VDAC1: variants seen among roughly 807,000 people sequenced by gnomAD.
The protein encoded by VDAC1 is voltage dependent anion channel 1.
Under a neutral mutation model 34.7 loss-of-function variants are expected in VDAC1, and 10 were observed. The observed-to-expected ratio is 0.29, with a 90% CI of 0.18 to 0.49. The LOEUF is 0.49. Among genes scored for constraint, VDAC1 ranks in the 20% least tolerant of loss-of-function variants. The pLI is 0.99. For synonymous variants in VDAC1, 130 were observed against 136.0 expected, an observed-to-expected ratio of 0.96 and a Z score of 0.30; for missense variants, 230 against 347.9, an observed-to-expected ratio of 0.66 and a Z score of 2.69.
the VDAC1 span, among the ~76,000 whole-genome samples, chr5:134,032,365 G>T: frequency 6.6e-6 from 1 of 152,012 alleles, no homozygotes; most frequent in Non-Finnish European, 1.5e-5. Context: ...TAAATGTATG[G>T]TAATTTGTTA....
chr5:134,048,947 T>C, the VDAC1 span, among the ~76,000 whole-genome samples: 1 of 152,244 alleles, frequency 6.6e-6, no homozygotes, highest in African/African-American at 2.4e-5. Flanking sequence ...ATAATGTTTC[T>C]ATGTTACACA....
chr5:134,042,351 C>G, the VDAC1 span, among the ~76,000 whole-genome samples: 9 of 152,162 alleles, frequency 5.9e-5, no homozygotes, highest in African/African-American at 2.2e-4. Flanking sequence ...ACCTCACGGC[C>G]CCCACCCATC....
the VDAC1 span, among the ~76,000 whole-genome samples, chr5:134,083,635 T>C: frequency 6.6e-6 from 1 of 152,230 alleles, no homozygotes; most frequent in South Asian, 2.1e-4. Context: ...CTTCCAGGCC[T>C]CAGCTGGCCG....
At chr5:134,070,522 G>T in the VDAC1 span, among the ~76,000 whole-genome samples, 1 of 152,044 alleles carries the variant, frequency 6.6e-6, no homozygotes, top group Non-Finnish European at 1.5e-5. Context: ...TTTCAGAAAC[G>T]CCTAAGATAA....
the VDAC1 span, among the ~76,000 whole-genome samples, chr5:134,083,554 T>C: frequency 6.6e-6 from 1 of 152,326 alleles, no homozygotes; most frequent in East Asian, 1.9e-4. Flanking sequence ...AAGTTTGTGG[T>C]CAGTGGGGAA....
the VDAC1 span, among the ~76,000 whole-genome samples, chr5:134,020,253 C>G: frequency 6.6e-6 from 1 of 151,944 alleles, no homozygotes; most frequent in African/African-American, 2.4e-5. Context: ...TCAGATGCCT[C>G]TCAAAGTCCA....
At chr5:134,005,177 CT>C (rs1019118007), upstream of VDAC1, 36 of 152,340 alleles carry the variant, frequency 2.4e-4, no homozygotes, top group Middle Eastern at 6.8e-3. Flanking sequence ...GGCCTCCGCG[CT>C]GCTAGATCCC....
chr5:134,021,623 AG>A, the VDAC1 span, among the ~76,000 whole-genome samples: 1 of 152,144 alleles, frequency 6.6e-6, no homozygotes, highest in Non-Finnish European at 1.5e-5. Flanking sequence ...TAAGAGACAC[AG>A]GATGTCTTAA....
At chr5:134,092,661 G>A in the VDAC1 span, among the ~76,000 whole-genome samples, 1 of 147,930 alleles carries the variant, frequency 6.8e-6, no homozygotes, top group African/African-American at 2.5e-5. Flanking sequence ...AGGCAACAGT[G>A]CAAGATTCCG....
the VDAC1 span, among the ~76,000 whole-genome samples, chr5:134,060,300 C>T: frequency 6.6e-6 from 1 of 151,964 alleles, no homozygotes; most frequent in African/African-American, 2.4e-5. Flanking sequence ...CAGGGATCGA[C>T]CACCCGTCCA....
chr5:133,976,335 G>A (rs547432600), intron 6 of VDAC1: 104 of 220,444 alleles, frequency 4.7e-4, no homozygotes, highest in Non-Finnish European at 7.6e-4. Context: ...GTGAAACCCT[G>A]TTTCTACTAA....
At chr5:134,077,491 T>C in the VDAC1 span, among the ~76,000 whole-genome samples, 1 of 152,164 alleles carries the variant, frequency 6.6e-6, no homozygotes, top group Non-Finnish European at 1.5e-5. Flanking sequence ...GAGGGATCTA[T>C]GAACTGTTCT....
At chr5:133,999,865 C>A (rs1406877891) in intron 1 of VDAC1, among the ~76,000 whole-genome samples, 1 of 152,106 alleles carries the variant, frequency 6.6e-6, no homozygotes, top group Non-Finnish European at 1.5e-5. Flanking sequence ...TATGATTCTG[C>A]CAAGGAAGAG....
the VDAC1 span, among the ~76,000 whole-genome samples, chr5:134,074,234 C>T: frequency 6.6e-6 from 1 of 151,812 alleles, no homozygotes; most frequent in Admixed American, 6.6e-5. Flanking sequence ...ATGGCATGAA[C>T]CCGGGAGGCA....
chr5:134,051,997 C>T, the VDAC1 span, among the ~76,000 whole-genome samples: 2 of 151,986 alleles, frequency 1.3e-5, no homozygotes, highest in Admixed American at 6.6e-5. Context: ...TGCATAAGGC[C>T]GAATATTTTA....
At chr5:133,988,340 A>G (rs1160853854) in intron 5 of VDAC1, among the ~76,000 whole-genome samples, 1 of 152,100 alleles carries the variant, frequency 6.6e-6, no homozygotes, top group Non-Finnish European at 1.5e-5. Context: ...TAAACCCGGC[A>G]CTTTGGGAGG....
chr5:134,084,823 C>T, the VDAC1 span, among the ~76,000 whole-genome samples: 1 of 152,260 alleles, frequency 6.6e-6, no homozygotes, highest in East Asian at 1.9e-4. Context: ...TATGAACTGT[C>T]ACGCCTGGCA....
the VDAC1 span, among the ~76,000 whole-genome samples, chr5:134,094,117 C>T: frequency 6.6e-6 from 1 of 152,238 alleles, no homozygotes; most frequent in East Asian, 1.9e-4. Flanking sequence ...TGCCCTGCTT[C>T]TTGGCTTAAT....
At chr5:134,007,339 G>A (rs999608778), upstream of VDAC1, among the ~76,000 whole-genome samples, 1 of 152,164 alleles carries the variant, frequency 6.6e-6, no homozygotes, top group Admixed American at 6.5e-5. Context: ...GGAGGCCAAG[G>A]AGGTAGGATG....
Sources: allele counts gnomAD v4.1 joint callset (sites outside exome capture counted in the v4.1 genomes callset), GRCh38; gene constraint gnomAD v4.1.1; transcripts MANE v1.5; gene names NCBI Gene and HGNC (gene_info 2026-07-23, HGNC 2026-07-21).